Variants in ZNF541 observed in about 807,000 individuals in gnomAD.
ZNF541 encodes the protein zinc finger protein 541.
A neutral mutation model predicts 123.5 loss-of-function variants in ZNF541; 23 were observed. That is an observed-to-expected ratio of 0.19 (90% CI 0.13 to 0.26). ZNF541 has a LOEUF of 0.26. Among genes scored for constraint, ZNF541 ranks in the 10% least tolerant of loss-of-function variants. The pLI, the probability that ZNF541 is intolerant of heterozygous loss-of-function variation, is 1.00. For missense variants in ZNF541, 1,612 were observed against 1,789.9 expected, an observed-to-expected ratio of 0.90 and a Z score of 1.79; for synonymous variants, 751 against 754.5, an observed-to-expected ratio of 1.00 and a Z score of 0.08.
chr19:47,544,277 G>T lies in ZNF541; in HGVS notation c.2252C>A (p.Ala751Asp). Residue 751 changes from alanine to aspartate, a missense_variant, in exon 5 of 17, where the codon GCC becomes GAC. Physicochemically the swap from Ala to Asp is moderately radical, Grantham distance 126. Transcript: ENST00000391901. ...TTTCCGGAAGCCGGAGAATCGCGGG[G>T]CCCTGGGGTTGCCCAAGAGCCGGTA... ...GGYRLLGNPR[A>D]PRFSGFRKEK... 6.4e-7 allele frequency: 1 copy of T among 1,551,562 alleles called. No homozygotes were observed. The highest frequency in any genetic ancestry group is 8.7e-7 in the Non-Finnish European group (1 of 1,147,002).
intron 5 of ZNF541, among the ~76,000 whole-genome samples, chr19:47,541,726 G>C (rs1568495985): frequency 6.6e-6 from 1 of 152,158 alleles, no homozygotes; most frequent in African/African-American, 2.4e-5. Flanking sequence ...CACCCGCCAG[G>C]GTAGTTATAA....
intron 3 of ZNF541, among the ~76,000 whole-genome samples, chr19:47,551,537 A>G (rs562750422): frequency 6.6e-6 from 1 of 151,822 alleles, no homozygotes; most frequent in East Asian, 2.0e-4. Context: ...ATGCCCAGCT[A>G]ATTTTTATTT....
chr19:47,541,204 G>A (rs531364219), intron 5 of ZNF541, among the ~76,000 whole-genome samples: 1 of 152,232 alleles, frequency 6.6e-6, no homozygotes, highest in South Asian at 2.1e-4. Flanking sequence ...GATTGCTTCA[G>A]CCCAGGAGTT....
intron 4 of ZNF541, among the ~76,000 whole-genome samples, chr19:47,547,243 GAAGATGCTACCTGGAACCCCCCAC>G (rs1471933046): frequency 1.3e-5 from 2 of 152,120 alleles, no homozygotes; most frequent in Non-Finnish European, 2.9e-5. Flanking sequence ...AGACCCCTAA[GAAGATGCTACCTGGAACCCCCCAC>G]AGCAAAGAAG....
chr19:47,548,442 C>CAAAAAAAAAAAAAAAAAAA (rs574466068), intron 4 of ZNF541, among the ~76,000 whole-genome samples: 6 of 60,386 alleles, frequency 9.9e-5, no homozygotes, highest in South Asian at 1.3e-3. Context: ...GACTCCATCT[C>CAAAAAAAAAAAAAAAAAAA]AAAAAAAAAA....
At chr19:47,522,157 C>T (rs1162533287) in intron 14 of ZNF541, among the ~76,000 whole-genome samples, 163 bp from the exon 15 acceptor site, 3 of 152,176 alleles carry the variant, frequency 2.0e-5, no homozygotes, top group African/African-American at 7.2e-5. Context: ...CAAAATCCTT[C>T]CTGGGGACGA....
chr19:47,531,680 C>T lies in ZNF541; in HGVS notation c.3367G>A (p.Ala1123Thr), dbSNP rs894431166. The part of the protein sequence containing the change: ...MPGGGTNLEL[A>T]LHCLHEAQGN... ...TGAGCCTCGTGCAGGCAGTGCAGAG[C>T]GAGCTCCAGGTTGGTGCCCCCTCCT... The change falls in exon 12 of 17, where the codon GCT becomes ACT. Residue 1123 changes from alanine to threonine, a missense_variant. Ala to Thr is a moderately conservative substitution (Grantham distance 58, BLOSUM62 0). Transcript: ENST00000391901. 2.7e-5 allele frequency: 42 copies of T among 1,548,464 alleles called. No individual in the cohort carries two copies. The highest frequency in any genetic ancestry group is 1.8e-4 in the Admixed American group (9 of 50,892).
At chr19:47,560,765 CAT>C (rs938952714) in intron 2 of ZNF541, among the ~76,000 whole-genome samples, 76 of 152,276 alleles carry the variant, frequency 5.0e-4, no homozygotes, top group African/African-American at 9.6e-4. Context: ...CCTGCACACA[CAT>C]GTTTATAGCA....
chr19:47,533,301 G>A (rs1286781654), intron 9 of ZNF541, among the ~76,000 whole-genome samples: 3 of 144,230 alleles, frequency 2.1e-5, no homozygotes, highest in Non-Finnish European at 3.0e-5. Flanking sequence ...CGGAGCTTGC[G>A]GTGAGCCGAG....
intron 2 of ZNF541, among the ~76,000 whole-genome samples, chr19:47,564,394 C>T (rs1971183351): frequency 6.6e-6 from 1 of 152,170 alleles, no homozygotes; most frequent in Non-Finnish European, 1.5e-5. Flanking sequence ...TTTATTCTGT[C>T]AACAAATACA....
At chr19:47,535,427 T>C (rs1250462209) in intron 9 of ZNF541, among the ~76,000 whole-genome samples, 1 of 152,222 alleles carries the variant, frequency 6.6e-6, no homozygotes, top group Non-Finnish European at 1.5e-5. Flanking sequence ...AGGATGGTTA[T>C]ACTTAAAAAG....
chr19:47,561,090 G>A (rs758637392), intron 2 of ZNF541, among the ~76,000 whole-genome samples: 3 of 152,156 alleles, frequency 2.0e-5, no homozygotes, highest in African/African-American at 7.2e-5. Flanking sequence ...TGGTTTGTGG[G>A]GTGAGGAGTG....
chr19:47,528,683 G>T (rs1448149400), intron 14 of ZNF541, among the ~76,000 whole-genome samples: 2 of 152,064 alleles, frequency 1.3e-5, no homozygotes, highest in Admixed American at 6.6e-5. Context: ...AATGCCTGTT[G>T]CTTGGTGGAA....
chr19:47,563,990 C>G (rs1971167059), intron 2 of ZNF541, among the ~76,000 whole-genome samples: 1 of 152,144 alleles, frequency 6.6e-6, no homozygotes, highest in Non-Finnish European at 1.5e-5. Context: ...CTCACAAAAA[C>G]CTAGATTGTA....
intron 14 of ZNF541, among the ~76,000 whole-genome samples, chr19:47,528,437 C>T (rs968249942): frequency 1.1e-4 from 16 of 151,710 alleles, no homozygotes; most frequent in Non-Finnish European, 2.2e-4. Flanking sequence ...ATGCCTCAGC[C>T]TCCTAACTAG....
intron 2 of ZNF541, among the ~76,000 whole-genome samples, chr19:47,563,639 C>T (rs1336170267): frequency 6.6e-6 from 1 of 152,142 alleles, no homozygotes; most frequent in Non-Finnish European, 1.5e-5. Context: ...CGAAGTCTTG[C>T]TGTGTCCCCT....
At chr19:47,530,844 T>C (rs1008784019) in intron 12 of ZNF541, among the ~76,000 whole-genome samples, 2 of 151,076 alleles carry the variant, frequency 1.3e-5, no homozygotes, top group African/African-American at 4.9e-5. Context: ...AGAGATGGGG[T>C]TTTACCATGT....
chr19:47,568,649 T>C (rs1382747294), intron 2 of ZNF541, among the ~76,000 whole-genome samples: 1 of 151,552 alleles, frequency 6.6e-6, no homozygotes, highest in Non-Finnish European at 1.5e-5. Flanking sequence ...CGGCCTGCAA[T>C]TTCCTTCCTT....
intron 3 of ZNF541, among the ~76,000 whole-genome samples, chr19:47,554,326 G>A (rs1015722637): frequency 6.6e-6 from 1 of 152,180 alleles, no homozygotes; most frequent in African/African-American, 2.4e-5. Context: ...AGCTACTCAG[G>A]AGGCTGAGGC....
Sources: gnomAD v4.1 joint callset for allele counts (sites outside exome capture counted in the v4.1 genomes callset) on GRCh38, gnomAD v4.1.1 for gene constraint, MANE v1.5 for transcripts, NCBI Gene and HGNC (gene_info 2026-07-23, HGNC 2026-07-21) for gene names.